ERMP1: variants seen among roughly 807,000 people sequenced by gnomAD.
ERMP1 encodes the protein Felix-ina.
Under a neutral mutation model 92.0 loss-of-function variants are expected in ERMP1, and 86 were observed. The ratio of observed to expected loss-of-function variants is 0.93; its 90% CI spans 0.79 to 1.12. The LOEUF (loss-of-function observed/expected upper bound fraction) is 1.12. Ranked by LOEUF, ERMP1 falls within the 50% of genes most tolerant of loss-of-function variation. The pLI, the probability that ERMP1 is intolerant of heterozygous loss-of-function variation, is 0.00. For synonymous variants in ERMP1, 530 were observed against 412.8 expected, an observed-to-expected ratio of 1.28 and a Z score of -3.44; for missense variants, 1,342 against 1,116.3, an observed-to-expected ratio of 1.20 and a Z score of -2.88.
Position 5,816,682 on chromosome 9 carries a change from A to G in ERMP1, c.875-3647T>C, listed in dbSNP as rs371868017. Among the ~76,000 whole-genome samples the G allele has an allele frequency of 1.8e-4, 27 of 152,350 alleles. No individual in the cohort carries two copies. The East Asian group carries it at 4.0e-3, about 23-fold the overall frequency. On this transcript the variant is annotated intron_variant, in intron 4 of 14. Transcript: ENST00000339450. ...TTACGAGAATGTTCACAGCAGCACC[A>G]TTCATAGCAAAAACCTGGAAACAAC... is the stretch of plus-strand genomic sequence containing the variant.
At chr9:5,800,398 G>C (rs906548643) in intron 11 of ERMP1, among the ~76,000 whole-genome samples, 1 of 152,198 alleles carries the variant, frequency 6.6e-6, no homozygotes, top group African/African-American at 2.4e-5. Context: ...AAACTGGCCA[G>C]GTGTGGTGGC....
intron 2 of ERMP1, among the ~76,000 whole-genome samples, chr9:5,830,122 G>C (rs991054711): frequency 6.6e-6 from 1 of 152,090 alleles, no homozygotes; most frequent in African/African-American, 2.4e-5. Context: ...AGAGATATCC[G>C]CCAACCCGCA....
At chr9:5,861,717 G>GTTTTT (rs34804675) in intron 5 of ERMP1, among the ~76,000 whole-genome samples, 69 of 66,194 alleles carry the variant, frequency 1.0e-3, no homozygotes, top group African/African-American at 1.9e-3. Flanking sequence ...GAGAGGAAGG[G>GTTTTT]TTTTTTTTTT....
Position 5,787,008 on chromosome 9 carries a change from C to T in ERMP1, c.*136G>A, listed in dbSNP as rs928892101. 6.9e-6 allele frequency: 6 copies of T among 872,890 alleles called. No homozygotes were observed. The highest frequency in any genetic ancestry group is 3.7e-4 in the Middle Eastern group (1 of 2,728). 54.1% of individuals were successfully genotyped at this position (872,890 alleles called of 1,614,324 possible). ...CCTTATAGTGCTTGGCCCTGAAAAG[C>T]GTTAACCCAGAAAGCTCTTTGAACA... is the stretch of plus-strand genomic sequence containing the variant. On this transcript the variant is annotated 3_prime_UTR_variant, in exon 15 of 15. Transcript: ENST00000339450.
chr9:5,836,546 C>T (rs1830097730), upstream of ERMP1, among the ~76,000 whole-genome samples: 1 of 152,186 alleles, frequency 6.6e-6, no homozygotes, highest in African/African-American at 2.4e-5. Flanking sequence ...TTGCGGATAG[C>T]TTGGTTTTCT....
intron 8 of ERMP1, 131 bp from the exon 9 acceptor site, chr9:5,805,916 G>A (rs542876821): frequency 9.2e-6 from 6 of 650,320 alleles, no homozygotes; most frequent in African/African-American, 3.8e-5. Context: ...TCTTTAAACT[G>A]ATTTAAAGTA....
intron 8 of ERMP1, 51 bp from the exon 9 acceptor site, chr9:5,805,836 A>G: frequency 7.1e-7 from 1 of 1,404,446 alleles, no homozygotes; most frequent in South Asian, 1.4e-5. Context: ...TCATGCATAA[A>G]GAGCTTTTAT....
At chr9:5,822,280 G>A (rs767500946) in intron 4 of ERMP1, among the ~76,000 whole-genome samples, 1 of 151,986 alleles carries the variant, frequency 6.6e-6, no homozygotes, top group Non-Finnish European at 1.5e-5. Flanking sequence ...TATAGATATA[G>A]ATATATCTCT....
chr9:5,843,780 CCCATCCCCTA>C (rs1415128214), intron 6 of ERMP1, among the ~76,000 whole-genome samples: 2 of 152,212 alleles, frequency 1.3e-5, no homozygotes, highest in African/African-American at 4.8e-5. Flanking sequence ...CTCTCTCATC[CCCATCCCCTA>C]CCACGGACAG....
At chr9:5,861,170 GGTGTGTGTGTGTGTGTGTGTGTGT>G (rs35593711) in intron 5 of ERMP1, among the ~76,000 whole-genome samples, 8 of 102,078 alleles carry the variant, frequency 7.8e-5, no homozygotes, top group South Asian at 3.3e-4. Context: ...TGGCTTAGGG[GGTGTGTGTGTGTGTGTGTGTGTGT>G]GTGTGTGTGT....
intron 6 of ERMP1, among the ~76,000 whole-genome samples, chr9:5,854,028 G>T (rs928328929): frequency 3.3e-5 from 5 of 152,118 alleles, no homozygotes; most frequent in African/African-American, 1.2e-4. Flanking sequence ...CAAAGAAGCA[G>T]TTAGACCTGG....
intron 2 of ERMP1, among the ~76,000 whole-genome samples, chr9:5,827,542 G>A (rs1829771341): frequency 6.6e-6 from 1 of 152,116 alleles, no homozygotes; most frequent in Non-Finnish European, 1.5e-5. Context: ...TGTTGCTAAG[G>A]GTATTCCTAT....
chr9:5,798,467 C>T lies in ERMP1; in HGVS notation c.2270+339G>A, dbSNP rs1365952655. 2.6e-5 allele frequency among the ~76,000 whole-genome samples: 4 copies of T among 152,216 alleles called. No individual in the cohort carries two copies. In the East Asian group the frequency reaches 7.7e-4, roughly 29 times the overall value. The stretch of plus-strand genomic sequence containing the variant: ...CCGACCTCAGGTGATCCACCCGCCT[C>T]GGCCTCCCAAAGTGCTGGGATTACA... On this transcript the variant is annotated intron_variant, in intron 12 of 14. Transcript: ENST00000339450.
At chr9:5,841,715 C>A (rs1004437787) in intron 6 of ERMP1, among the ~76,000 whole-genome samples, 1 of 152,138 alleles carries the variant, frequency 6.6e-6, no homozygotes, top group East Asian at 1.9e-4. Flanking sequence ...CACTTGAACC[C>A]GGGAGGCAGA....
At chr9:5,849,717 G>C (rs1191746620) in intron 6 of ERMP1, among the ~76,000 whole-genome samples, 2 of 152,192 alleles carry the variant, frequency 1.3e-5, no homozygotes, top group Admixed American at 6.5e-5. Flanking sequence ...AGCCACATGT[G>C]TTATTAAAAT....
At chr9:5,840,054 C>T (rs1830142931) in intron 6 of ERMP1, among the ~76,000 whole-genome samples, 2 of 152,270 alleles carry the variant, frequency 1.3e-5, no homozygotes, top group African/African-American at 4.8e-5. Context: ...CCAACCTGGC[C>T]AACATGGTGA....
intron 4 of ERMP1, among the ~76,000 whole-genome samples, chr9:5,817,664 G>A (rs1829370021): frequency 6.6e-6 from 1 of 152,180 alleles, no homozygotes; most frequent in Non-Finnish European, 1.5e-5. Context: ...TCTCAAGAAT[G>A]AGCCTCATCT....
rs761663421 is a variant in ERMP1 at position 5,801,308 on chromosome 9, G to A, written c.1935C>T (p.Ala645=). The change falls in exon 11 of 15, where the codon GCC becomes GCT. Residue 645 remains alanine, a synonymous_variant. Coordinates refer to ENST00000339450, the MANE Select transcript of ERMP1 (RefSeq NM_024896.3). ...SSYFINFIYL[A]KSTKKTMLTL... ...TTAGCATGGTTTTTTTTGTGCTCTT[G>A]GCAAGGTAGATGAAGTTAATCTGAA... 1.7e-5 allele frequency: 27 copies of A among 1,611,816 alleles called. No homozygotes were observed. Among genetic ancestry groups the A allele is most frequent in the South Asian group, 5.5e-5 (5 of 90,502 alleles).
intron 6 of ERMP1, among the ~76,000 whole-genome samples, chr9:5,842,244 G>C (rs1830174304): frequency 6.6e-6 from 1 of 152,032 alleles, no homozygotes; most frequent in Non-Finnish European, 1.5e-5. Context: ...AGTGCTGATT[G>C]GTCCGTTTTT....
Sources: gnomAD v4.1 joint callset for allele counts (sites outside exome capture counted in the v4.1 genomes callset) on GRCh38, gnomAD v4.1.1 for gene constraint, MANE v1.5 for transcripts, NCBI Gene and HGNC (gene_info 2026-07-23, HGNC 2026-07-21) for gene names.